Variants in BCAS3 observed in about 807,000 individuals in gnomAD.
BCAS3 encodes the protein BCAS4/BCAS3 fusion.
Under a neutral mutation model 116.1 loss-of-function variants are expected in BCAS3, and 53 were observed. That is an observed-to-expected ratio of 0.46 (90% confidence interval 0.37 to 0.57). The LOEUF is 0.57. Ranked by LOEUF, BCAS3 falls within the 20% of genes least tolerant of loss-of-function variation. The pLI, the probability that BCAS3 is intolerant of heterozygous loss-of-function variation, is 0.00. For missense variants in BCAS3, 917 were observed against 1,165.4 expected (o/e 0.79, Z 3.10); for synonymous variants, 391 against 408.2 (o/e 0.96, Z 0.51).
intron 5 of BCAS3, among the ~76,000 whole-genome samples, chr17:60,717,649 C>G (rs2038785241): frequency 6.6e-6 from 1 of 152,102 alleles, no homozygotes; most frequent in Admixed American, 6.5e-5. Context: ...GTAAGGACAT[C>G]TAAAATTTCA....
intron 19 of BCAS3, among the ~76,000 whole-genome samples, chr17:61,066,623 T>A (rs1052856819): frequency 2.0e-5 from 3 of 152,192 alleles, no homozygotes; most frequent in Non-Finnish European, 4.4e-5. Flanking sequence ...ATATTTAATA[T>A]GTTAATGATA....
At position 61,029,256 on chromosome 17, in the gene BCAS3, T is replaced by C. The variant is rs1326957541; in HGVS notation, c.1638-5410T>C. Among the ~76,000 whole-genome samples, 2 of 151,994 alleles carry C rather than the reference T, an allele frequency of 1.3e-5. No individual in the cohort carries two copies. The highest frequency in any genetic ancestry group is 2.9e-5 in the Non-Finnish European group (2 of 67,874). ...GGTATATCACAATTTCTGCTAGTTC[T>C]TTATTCTCCATTAAACAGGTTTAGT... is the stretch of plus-strand genomic sequence containing the variant. On this transcript the variant is annotated intron_variant, in intron 16 of 23. Coordinates refer to ENST00000407086, the MANE Select transcript of BCAS3 (RefSeq NM_017679.5). This position sits in a 1 kb window ranked among gnomAD's most constrained non-coding sequence, Gnocchi z 5.2.
chr17:61,054,775 A>G, intron 19 of BCAS3, among the ~76,000 whole-genome samples: 1 of 152,196 alleles, frequency 6.6e-6, no homozygotes, highest in Non-Finnish European at 1.5e-5. Context: ...ATTCTATGTG[A>G]TAGTAGTATC....
At chr17:60,698,791 C>CA (rs987954451) in intron 4 of BCAS3, among the ~76,000 whole-genome samples, 1 of 151,968 alleles carries the variant, frequency 6.6e-6, no homozygotes, top group African/African-American at 2.4e-5. Flanking sequence ...CACAGTGGCT[C>CA]ACGCCTGTAA....
At chr17:60,909,706 CTT>C (rs929503159) in intron 11 of BCAS3, among the ~76,000 whole-genome samples, 37 of 152,100 alleles carry the variant, frequency 2.4e-4, no homozygotes, top group African/African-American at 8.7e-4. Context: ...GATGAAAAAA[CTT>C]GTTATTTAGA....
At chr17:60,780,157 A>G (rs1488301991) in intron 6 of BCAS3, among the ~76,000 whole-genome samples, 2 of 149,176 alleles carry the variant, frequency 1.3e-5, no homozygotes, top group African/African-American at 5.0e-5. Context: ...CACCCAGCTA[A>G]TTTTTGTATT....
rs2076844192 is a variant in BCAS3 at position 61,140,192 on chromosome 17, A to C, written c.2425+55628A>C. On this transcript the variant is annotated intron_variant, in intron 22 of 23. Transcript: ENST00000407086. This position sits in a 1 kb window ranked among gnomAD's most constrained non-coding sequence, Gnocchi z 4.2. The stretch of plus-strand genomic sequence containing the variant: ...GCGGAGGTTGCAGTGAGTCAGGATC[A>C]CACCACTGCACTCCAGCCTGGGTGA... 6.6e-6 allele frequency among the ~76,000 whole-genome samples: 1 copy of C among 152,166 alleles called. No individual in the cohort carries two copies. The highest frequency in any genetic ancestry group is 1.5e-5 in the Non-Finnish European group (1 of 68,016).
At chr17:60,896,494 C>T (rs748358035) in intron 10 of BCAS3, among the ~76,000 whole-genome samples, 4 of 152,102 alleles carry the variant, frequency 2.6e-5, no homozygotes, top group Non-Finnish European at 5.9e-5. Flanking sequence ...AATCTGTGTG[C>T]TCCAGTGTTG....
At chr17:60,903,193 A>G (rs1246568215) in intron 11 of BCAS3, among the ~76,000 whole-genome samples, 4 of 152,230 alleles carry the variant, frequency 2.6e-5, no homozygotes. Context: ...ATTGTGAAGT[A>G]TACAACAAAA....
chr17:61,089,511 T>TG, intron 22 of BCAS3, among the ~76,000 whole-genome samples: 2 of 49,564 alleles, frequency 4.0e-5, no homozygotes, highest in Non-Finnish European at 7.3e-5. Flanking sequence ...GTTTCACTCT[T>TG]TTTTTTTTTT....
At chr17:60,868,532 CT>C (rs1328129020) in intron 7 of BCAS3, 43 bp from the exon 8 acceptor site, 1 of 1,285,262 alleles carries the variant, frequency 7.8e-7, no homozygotes, top group Non-Finnish European at 1.1e-6. Context: ...ATTGGTCTTT[CT>C]TTTTTAAAAA....
At position 61,265,095 on chromosome 17, in the gene BCAS3, A is replaced by G. The variant is rs1337704347; in HGVS notation, c.2426-103232A>G. On this transcript the variant is annotated intron_variant, in intron 22 of 23. Transcript: ENST00000407086. This position sits in a 1 kb window ranked among gnomAD's most constrained non-coding sequence, Gnocchi z 4.3. ...GTTACCTCACCGGGTTAGTTTGACA[A>G]TTACATGGAGTACTATATATAAGAA... Among the ~76,000 whole-genome samples the G allele has an allele frequency of 2.0e-5, 3 of 152,164 alleles. No individual in the cohort carries two copies. The highest frequency in any genetic ancestry group is 7.2e-5 in the African/African-American group (3 of 41,440).
chr17:61,289,215 G>A (rs374614951), intron 22 of BCAS3, among the ~76,000 whole-genome samples: 2 of 152,214 alleles, frequency 1.3e-5, no homozygotes, highest in Non-Finnish European at 2.9e-5. Flanking sequence ...CCGCGACTCA[G>A]CTGGCTCACT....
intron 15 of BCAS3, among the ~76,000 whole-genome samples, chr17:60,992,058 G>T (rs1006410514): frequency 2.0e-5 from 3 of 152,040 alleles, no homozygotes; most frequent in African/African-American, 7.3e-5. Context: ...ATTGTGAATA[G>T]TGCTATTATG....
chr17:61,090,681 G>T (rs1333603018), intron 22 of BCAS3, among the ~76,000 whole-genome samples: 2 of 151,318 alleles, frequency 1.3e-5, no homozygotes, highest in African/African-American at 4.9e-5. Flanking sequence ...TTTTTGAGAT[G>T]GAGTCTCACT....
At chr17:61,179,494 T>C (rs2079348142) in intron 22 of BCAS3, among the ~76,000 whole-genome samples, 1 of 152,154 alleles carries the variant, frequency 6.6e-6, no homozygotes, top group Non-Finnish European at 1.5e-5. Flanking sequence ...GGCCCATTGA[T>C]GAAAAGACCT....
Position 61,214,717 on chromosome 17 carries a change from T to A in BCAS3, c.2425+130153T>A, listed in dbSNP as rs1038451443. 1.6e-4 allele frequency among the ~76,000 whole-genome samples: 24 copies of A among 152,024 alleles called. No homozygotes were observed. The highest frequency in any genetic ancestry group is 3.3e-4 in the Admixed American group (5 of 15,258). Reference sequence around the variant, plus strand: ...AAAAAAAAGAAAAAAAGAAAAAAATTCAAAAACATTTTTTAATGAACTATA... The same window carrying A: ...AAAAAAAAGAAAAAAAGAAAAAAATACAAAAACATTTTTTAATGAACTATA... On this transcript the variant is annotated intron_variant, in intron 22 of 23. Transcript: ENST00000407086. The surrounding 1 kb of genome is among the most constrained non-coding windows in gnomAD (Gnocchi z 4.4).
intron 22 of BCAS3, among the ~76,000 whole-genome samples, chr17:61,358,172 C>T (rs934911603): frequency 2.0e-5 from 3 of 152,118 alleles, no homozygotes; most frequent in South Asian, 4.1e-4. Flanking sequence ...CCAGAGACAG[C>T]GTGGTTAACA....
In BCAS3 at chr17:61,348,724, G is replaced by A. The variant is rs1051149884; in HGVS notation, c.2426-19603G>A. Among the ~76,000 whole-genome samples the A allele has an allele frequency of 2.6e-5, 4 of 151,118 alleles. No homozygotes were observed. The highest frequency in any genetic ancestry group is 6.6e-5 in the Admixed American group (1 of 15,110). On this transcript the variant is annotated intron_variant, in intron 22 of 23. Coordinates refer to ENST00000407086, the MANE Select transcript of BCAS3 (RefSeq NM_017679.5). This position sits in a 1 kb window ranked among gnomAD's most constrained non-coding sequence, Gnocchi z 4.5. ...GCCATGATCATGGGAGGACAGTCAC[G>A]TGCTTCTTGCAACCTCTTGGGCAGA...
Sources: allele counts gnomAD v4.1 joint callset (sites outside exome capture counted in the v4.1 genomes callset), GRCh38; gene constraint gnomAD v4.1.1; non-coding constraint Gnocchi (gnomAD v3.1); transcripts MANE v1.5; gene names NCBI Gene and HGNC (gene_info 2026-07-23, HGNC 2026-07-21).